Variants in TBCK observed in about 807,000 individuals in gnomAD.
TBCK encodes the protein TBC domain-containing protein kinase-like protein.
TBCK carries 99 observed loss-of-function variants against 113.4 expected under a neutral mutation model. The observed-to-expected ratio is 0.87, with a 90% CI of 0.74 to 1.03. The LOEUF (loss-of-function observed/expected upper bound fraction) is 1.03, where lower values mean the gene tolerates loss of function less well. Ranked by LOEUF, TBCK falls within the 50% of genes least tolerant of loss-of-function variation. The pLI is 0.00. For synonymous variants in TBCK, 369 were observed against 370.8 expected, an observed-to-expected ratio of 1.00 and a Z score of 0.05; for missense variants, 1,045 against 1,061.3, an observed-to-expected ratio of 0.98 and a Z score of 0.21.
At chr4:106,255,646 G>A (rs1761908136) in intron 5 of TBCK, among the ~76,000 whole-genome samples, 1 of 151,726 alleles carries the variant, frequency 6.6e-6, no homozygotes. Context: ...CCTAGGTCTG[G>A]GCTCCCCAAA....
intron 24 of TBCK, among the ~76,000 whole-genome samples, chr4:106,108,432 G>A (rs190482189): frequency 2.0e-5 from 3 of 152,226 alleles, no homozygotes; most frequent in East Asian, 1.9e-4. Flanking sequence ...CTTCATCCCC[G>A]GGATGCAAGA....
intron 19 of TBCK, among the ~76,000 whole-genome samples, chr4:106,221,283 C>G (rs1463878098): frequency 6.6e-6 from 1 of 151,998 alleles, no homozygotes; most frequent in East Asian, 1.9e-4. Context: ...CTGTGCCTGG[C>G]CAACACTGAT....
intron 23 of TBCK, among the ~76,000 whole-genome samples, chr4:106,118,733 G>A (rs4458525): frequency 0.13 from 19,685 of 152,226 alleles, 1,609 homozygotes; most frequent in South Asian, 0.24. Flanking sequence ...TGACTAAGAA[G>A]AGGATTTGTC....
chr4:106,227,931 T>C (rs1239771075), intron 19 of TBCK, among the ~76,000 whole-genome samples: 4 of 152,126 alleles, frequency 2.6e-5, no homozygotes, highest in South Asian at 4.1e-4. Flanking sequence ...ATAGCACTTA[T>C]TGAATATTTC....
At chr4:106,075,411 A>G (rs552986283) in intron 25 of TBCK, among the ~76,000 whole-genome samples, 8 of 152,338 alleles carry the variant, frequency 5.3e-5, no homozygotes, top group African/African-American at 1.9e-4. Context: ...TTATCATAGC[A>G]TCTGGTTTCT....
At chr4:106,151,082 G>A (rs1207603485) in intron 23 of TBCK, among the ~76,000 whole-genome samples, 38 of 151,692 alleles carry the variant, frequency 2.5e-4, no homozygotes, top group Admixed American at 2.4e-3. Context: ...TCCATAGTAC[G>A]TAAATATATT....
chr4:106,196,511 A>G (rs1200845376), intron 20 of TBCK, among the ~76,000 whole-genome samples: 2 of 152,018 alleles, frequency 1.3e-5, no homozygotes, highest in African/African-American at 4.8e-5. Flanking sequence ...TCAATTGAGT[A>G]TTTATACTAT....
At chr4:106,076,764 TA>T (rs1356918798) in intron 25 of TBCK, among the ~76,000 whole-genome samples, 10 of 152,238 alleles carry the variant, frequency 6.6e-5, no homozygotes, top group African/African-American at 2.4e-4. Context: ...GCCCACCAAC[TA>T]AGCTTCATAA....
chr4:106,087,829 A>G (rs1312385703), intron 25 of TBCK, among the ~76,000 whole-genome samples: 1 of 152,194 alleles, frequency 6.6e-6, no homozygotes, highest in African/African-American at 2.4e-5. Flanking sequence ...AACAAACCTG[A>G]CAAAAACGAG....
intron 25 of TBCK, among the ~76,000 whole-genome samples, chr4:106,070,523 T>C (rs1177450030): frequency 6.6e-6 from 1 of 152,190 alleles, no homozygotes; most frequent in African/African-American, 2.4e-5. Flanking sequence ...CTTTTTGATA[T>C]GCTGCTGGAT....
At chr4:106,244,493 G>T in intron 11 of TBCK, 133 bp downstream of exon 11, 1 of 689,140 alleles carries the variant, frequency 1.5e-6, no homozygotes, top group Non-Finnish European at 2.2e-6. Flanking sequence ...ACTTAGCTGG[G>T]ATGCCTACCA....
At chr4:106,202,120 T>A (rs574290516) in intron 20 of TBCK, among the ~76,000 whole-genome samples, 2 of 152,018 alleles carry the variant, frequency 1.3e-5, no homozygotes, top group South Asian at 4.1e-4. Context: ...AATGGAAAAG[T>A]ATTTTAACAA....
At chr4:106,203,304 A>G (rs1430479317) in intron 20 of TBCK, among the ~76,000 whole-genome samples, 1 of 142,242 alleles carries the variant, frequency 7.0e-6, no homozygotes, top group East Asian at 2.0e-4. Flanking sequence ...ATATATATAT[A>G]CTTTCAAAAT....
Position 106,125,719 on chromosome 4 carries a change from G to A in TBCK, c.2236-9341C>T, listed in dbSNP as rs572412012. 2.4e-4 allele frequency among the ~76,000 whole-genome samples: 37 copies of A among 152,202 alleles called. No homozygotes were observed. The East Asian group carries it at 7.0e-3, about 29-fold the overall frequency. ...GGAAAGGTGGACAGGGTGGGTTTGG[G>A]ACATAGGGGGAGAGTGGTGGGGTGG... On this transcript the variant is annotated intron_variant, in intron 23 of 25. Transcript: ENST00000394708.
At chr4:106,083,306 G>T (rs546650657) in intron 25 of TBCK, among the ~76,000 whole-genome samples, 1 of 152,296 alleles carries the variant, frequency 6.6e-6, no homozygotes. Flanking sequence ...CCAAAACACC[G>T]GCTGTGGCAG....
At chr4:106,130,468 A>C (rs1041197885) in intron 23 of TBCK, among the ~76,000 whole-genome samples, 9 of 150,858 alleles carry the variant, frequency 6.0e-5, no homozygotes, top group African/African-American at 2.2e-4. Flanking sequence ...CTATGTTTAC[A>C]AAAAATATTT....
intron 23 of TBCK, among the ~76,000 whole-genome samples, chr4:106,125,039 G>C (rs1745006349): frequency 6.6e-6 from 1 of 151,742 alleles, no homozygotes; most frequent in Admixed American, 6.6e-5. Context: ...CATCTCACCT[G>C]GGTTAAAATT....
At chr4:106,270,348 C>CTAG (rs1287063436) in intron 3 of TBCK, among the ~76,000 whole-genome samples, 1 of 152,100 alleles carries the variant, frequency 6.6e-6, no homozygotes, top group Admixed American at 6.6e-5. Context: ...TTTTCTTCTC[C>CTAG]TAAGCATTTT....
At chr4:106,256,278 C>T (rs1460875047) in intron 5 of TBCK, among the ~76,000 whole-genome samples, 3 of 152,172 alleles carry the variant, frequency 2.0e-5, no homozygotes, top group Non-Finnish European at 2.9e-5. Context: ...ACCTGTCTGA[C>T]TCCTGTCACT....
Sources: gnomAD v4.1 joint callset for allele counts (sites outside exome capture counted in the v4.1 genomes callset) on GRCh38, gnomAD v4.1.1 for gene constraint, MANE v1.5 for transcripts, NCBI Gene and HGNC (gene_info 2026-07-23, HGNC 2026-07-21) for gene names.